CYP7A1: variants seen among roughly 807,000 people sequenced by gnomAD.
The protein encoded by CYP7A1 is cytochrome P450 7A1.
Under a neutral mutation model 43.8 loss-of-function variants are expected in CYP7A1, and 28 were observed. That is an observed-to-expected ratio of 0.64 (90% CI 0.47 to 0.88). The LOEUF is 0.88. Among genes scored for constraint, CYP7A1 ranks in the 40% least tolerant of loss-of-function variants. The probability of loss-of-function intolerance (pLI) is 0.00; values close to 1 mark genes in which losing one functional copy is unlikely to be tolerated. For missense variants in CYP7A1, 637 were observed against 611.9 expected (o/e 1.04, Z -0.43); for synonymous variants, 227 against 222.5 (o/e 1.02, Z -0.18).
intron 4 of CYP7A1, among the ~76,000 whole-genome samples, chr8:58,493,861 G>T (rs1479279705): frequency 6.6e-6 from 1 of 152,056 alleles, no homozygotes; most frequent in South Asian, 2.1e-4. Context: ...TTAGCCAGGG[G>T]TGGTGGCGTG....
rs139396617 is a variant in CYP7A1 at position 58,496,733 on chromosome 8, C to T, written c.779G>A (p.Arg260His). 3.7e-6 allele frequency: 6 copies of T among 1,614,162 alleles called. No individual in the cohort carries two copies. Among genetic ancestry groups the T allele is most frequent in the African/African-American group, 1.3e-5 (1 of 75,026 alleles). ...GGACAAAGTGTCATTGAGAAACATG[C>T]GCAGGCTGATCAGTTCTGAGATGCT... is the stretch of plus-strand genomic sequence containing the variant. ...RESISELISLRMFLNDTLSTF... is the reference protein window; with the variant it reads ...RESISELISLHMFLNDTLSTF... The change falls in exon 3 of 6, where the codon CGC (arginine) becomes CAC (histidine). Residue 260 changes from arginine to histidine, a missense_variant. Transcript: ENST00000301645.
chr8:58,494,428 G>T, intron 4 of CYP7A1, 78 bp downstream of exon 4: 1 of 1,466,774 alleles, frequency 6.8e-7, no homozygotes, highest in Non-Finnish European at 9.5e-7. Context: ...AATTCGGTAA[G>T]TATATAATTT....
In CYP7A1 at chr8:58,494,499, T is replaced by G. The variant is rs1485147956; in HGVS notation, c.1039+7A>C. On this transcript the variant is annotated splice_region_variant and intron_variant, in intron 4 of 5. Coordinates refer to ENST00000301645, the MANE Select transcript of CYP7A1 (RefSeq NM_000780.4). ...AAAATGAAACTCAACATAACAAGTA[T>G]ACCCACCTAATACTGGCAGGTCATT... The G allele has an allele frequency of 1.2e-6, 2 of 1,613,654 alleles. No individual in the cohort carries two copies. The highest frequency in any genetic ancestry group is 1.7e-6 in the Non-Finnish European group (2 of 1,179,660).
At chr8:58,496,461 G>T in intron 3 of CYP7A1, 143 bp downstream of exon 3, 1 of 662,432 alleles carries the variant, frequency 1.5e-6, no homozygotes, top group Non-Finnish European at 2.6e-6. Context: ...ACTCATATAT[G>T]TTAAACACTA....
At position 58,491,201 on chromosome 8, in the gene CYP7A1, C is replaced by A; in HGVS notation, c.*274G>T. ...GTTTTCCTTTGAAAATAATAAACTT[C>A]AATCCCTGGCTATATGAACATTCAT... On this transcript the variant is annotated 3_prime_UTR_variant, in exon 6 of 6. Transcript: ENST00000301645. 1 of 412,318 alleles carries A rather than the reference C, an allele frequency of 2.4e-6. No homozygotes were observed. The highest frequency in any genetic ancestry group is 3.8e-5 in the East Asian group (1 of 26,118). The allele number at this position is 412,318 out of a possible 1,614,324, so 25.5% of individuals were successfully genotyped here.
At chr8:58,497,804 T>A (rs1381486751) in intron 2 of CYP7A1, among the ~76,000 whole-genome samples, 1 of 152,268 alleles carries the variant, frequency 6.6e-6, no homozygotes, top group East Asian at 1.9e-4. Context: ...TTATTACATC[T>A]AAATGATGTT....
chr8:58,494,838 C>T (rs771729704), intron 3 of CYP7A1, among the ~76,000 whole-genome samples: 1 of 152,066 alleles, frequency 6.6e-6, no homozygotes, highest in Non-Finnish European at 1.5e-5. Flanking sequence ...GAATTGTTGC[C>T]TTAAAATGAC....
At position 58,491,614 on chromosome 8, in the gene CYP7A1, A is replaced by T. The variant is rs891054570; in HGVS notation, c.1376T>A (p.Ile459Asn). 3.7e-6 allele frequency: 6 copies of T among 1,614,242 alleles called. No homozygotes were observed. The highest frequency in any genetic ancestry group is 5.1e-6 in the Non-Finnish European group (6 of 1,180,046). The change falls in exon 6 of 6, where the codon ATT (isoleucine) becomes AAT (asparagine). Residue 459 changes from isoleucine to asparagine, a missense_variant. Ile to Asn is a moderately radical substitution (Grantham distance 149). Transcript: ENST00000301645. The stretch of plus-strand genomic sequence containing the variant: ...CAATTCAAAATAAGAAAGCATCAGA[A>T]TCAAAAATTGCTTGATTTCGTGGAT... ...FAIHEIKQFL[I>N]LMLSYFELEL...
In CYP7A1 at chr8:58,496,741, G is replaced by GT. The variant is rs1337176138; in HGVS notation, c.770_771insA (p.Ser258GlnfsTer8). On this transcript the variant is annotated frameshift_variant, in exon 3 of 6. Transcript: ENST00000301645. LOFTEE classifies it high-confidence loss of function. ...TGTCATTGAGAAACATGCGCAGGCT[G>GT]ATCAGTTCTGAGATGCTTTCCCTCT... 6.2e-7 allele frequency: 1 copy of GT among 1,614,196 alleles called. No homozygotes were observed. The highest frequency in any genetic ancestry group is 2.2e-5 in the East Asian group (1 of 44,870).
In CYP7A1 at chr8:58,491,094, C is replaced by G. The variant is rs983345618; in HGVS notation, c.*381G>C. On this transcript the variant is annotated 3_prime_UTR_variant, in exon 6 of 6. Transcript: ENST00000301645. ...AAGCCATCCTCCTTCTTTGGCCTCT[C>G]GAGTAGCTAAGACTACAGGTGCCTG... 4.6e-6 allele frequency: 1 copy of G among 215,768 alleles called. No individual in the cohort carries two copies. The highest frequency in any genetic ancestry group is 2.3e-5 in the African/African-American group (1 of 43,568). The allele number at this position is 215,768 out of a possible 1,614,324, so 13.4% of individuals were successfully genotyped here. A position where few individuals can be genotyped will look rare whatever the true frequency, so the allele number is the denominator to read the frequency against.
At chr8:58,494,775 C>T (rs1809412650) in intron 3 of CYP7A1, 139 bp from the exon 4 acceptor site, 1 of 778,044 alleles carries the variant, frequency 1.3e-6, no homozygotes. Context: ...AGGGATATTC[C>T]TGTTTGCATT....
At chr8:58,498,633 TA>T (rs564152260) in intron 1 of CYP7A1, among the ~76,000 whole-genome samples, 164 bp from the exon 2 acceptor site, 1 of 152,204 alleles carries the variant, frequency 6.6e-6, no homozygotes, top group Non-Finnish European at 1.5e-5. Context: ...AGTAATAGGT[TA>T]TATTAACCTA....
Position 58,490,495 on chromosome 8 carries a change from C to G in CYP7A1, c.*980G>C, listed in dbSNP as rs1278292980. The G allele has an allele frequency of 6.6e-6, 1 of 152,152 alleles. No homozygotes were observed. The highest frequency in any genetic ancestry group is 2.4e-5 in the African/African-American group (1 of 41,442). 9.4% of individuals were successfully genotyped at this position (152,152 alleles called of 1,614,324 possible). On this transcript the variant is annotated 3_prime_UTR_variant, in exon 6 of 6. Coordinates refer to ENST00000301645, the MANE Select transcript of CYP7A1 (RefSeq NM_000780.4). ...CCACATGTTTCATAACCAAAGCTTCCAAATGGCTATTTCCATCCAGTTTTA... is the reference window on the plus strand; with the variant it reads ...CCACATGTTTCATAACCAAAGCTTCGAAATGGCTATTTCCATCCAGTTTTA...
rs949422394 is a variant in CYP7A1 at position 58,490,282 on chromosome 8, A to T, written c.*1193T>A. On this transcript the variant is annotated 3_prime_UTR_variant, in exon 6 of 6. Transcript: ENST00000301645. ...ATAAGCAAAAAGGTAAATATAATTT[A>T]AATATAAATACTACACAGAAATATC... is the stretch of plus-strand genomic sequence containing the variant. The T allele has an allele frequency of 6.6e-6, 1 of 152,226 alleles. No homozygotes were observed. Among genetic ancestry groups the T allele is most frequent in the Non-Finnish European group, 1.5e-5 (1 of 68,034 alleles). The allele number at this position is 152,226 out of a possible 1,614,324, so 9.4% of individuals were successfully genotyped here. A position where few individuals can be genotyped will look rare whatever the true frequency, so the allele number is the denominator to read the frequency against.
At chr8:58,496,557 T>C in intron 3 of CYP7A1, 47 bp downstream of exon 3, 2 of 1,490,200 alleles carry the variant, frequency 1.3e-6, no homozygotes, top group Non-Finnish European at 1.9e-6. Flanking sequence ...GTTTAATTTC[T>C]ACTTTCTACT....
chr8:58,499,528 T>C (rs1037731978), intron 1 of CYP7A1, among the ~76,000 whole-genome samples: 5 of 152,206 alleles, frequency 3.3e-5, no homozygotes, highest in Non-Finnish European at 7.4e-5. Context: ...AGTAATAGAA[T>C]GATCAGCTCA....
chr8:58,496,235 A>G (rs1467792991), intron 3 of CYP7A1, among the ~76,000 whole-genome samples: 1 of 152,220 alleles, frequency 6.6e-6, no homozygotes, highest in Non-Finnish European at 1.5e-5. Flanking sequence ...ACATTTAATG[A>G]TTATGAAAAC....
rs77341564 is a variant in CYP7A1, at chr8:58,492,268, T to G, written c.1215+85A>C. On this transcript the variant is annotated intron_variant, in intron 5 of 5. Coordinates refer to ENST00000301645, the MANE Select transcript of CYP7A1 (RefSeq NM_000780.4). ...AATTCCTGTGACTACAATGATAAAATCAATTCTACCATTGTAAATTTCCTC... is the reference window on the plus strand; with the variant it reads ...AATTCCTGTGACTACAATGATAAAAGCAATTCTACCATTGTAAATTTCCTC... 2.3e-3 allele frequency: 2,710 copies of G among 1,164,858 alleles called. 47 individuals carry two copies. The African/African-American group carries it at 0.036, about 15-fold the overall frequency. 72.2% of individuals were successfully genotyped at this position (1,164,858 alleles called of 1,614,324 possible). A position where few individuals can be genotyped will look rare whatever the true frequency, so the allele number is the denominator to read the frequency against.
chr8:58,499,542 T>C (rs1461816447), intron 1 of CYP7A1, among the ~76,000 whole-genome samples: 1 of 152,224 alleles, frequency 6.6e-6, no homozygotes, highest in African/African-American at 2.4e-5. Context: ...CAGCTCAGGC[T>C]CTATGCTCTT....
Sources: allele counts gnomAD v4.1 joint callset (sites outside exome capture counted in the v4.1 genomes callset), GRCh38; gene constraint gnomAD v4.1.1; transcripts MANE v1.5; gene names NCBI Gene and HGNC (gene_info 2026-07-23, HGNC 2026-07-21).